The following POU6F2 variants were observed in gnomAD, a reference collection of about 807,000 sequenced individuals.
POU6F2 encodes the protein POU class 6 homeobox 2.
A neutral mutation model predicts 71.3 loss-of-function variants in POU6F2; 31 were observed. The ratio of observed to expected loss-of-function variants is 0.43; its 90% CI spans 0.33 to 0.59. The LOEUF is 0.59. POU6F2 is among the 20% of genes least tolerant of loss of function. The probability of loss-of-function intolerance (pLI) is 0.04; values close to 1 mark genes in which losing one functional copy is unlikely to be tolerated. For missense variants in POU6F2, 783 were observed against 856.8 expected (o/e 0.91, Z 1.07); for synonymous variants, 347 against 355.7 (o/e 0.98, Z 0.27).
At chr7:39,419,451 G>C (rs949050767) in intron 6 of POU6F2, among the ~76,000 whole-genome samples, 2 of 151,954 alleles carry the variant, frequency 1.3e-5, no homozygotes, top group African/African-American at 4.8e-5. Context: ...TGTTGTCTAG[G>C]CTGGTCCCAA....
Position 39,087,158 on chromosome 7 carries a change from TA to T in POU6F2, c.277+1129del, listed in dbSNP as rs57486915. ...ACACAGGCTTTATTAATTAATTAAT[TA>T]ATTTATTTATTTATTTATTTATTTA... On this transcript the variant is annotated intron_variant, in intron 2 of 9. Coordinates refer to ENST00000518318, the MANE Select transcript of POU6F2 (RefSeq NM_001370959.1). Among the ~76,000 whole-genome samples, 4 of 100,092 alleles carry T rather than the reference TA, an allele frequency of 4.0e-5. No homozygotes were observed. The South Asian group carries it at 7.8e-4, about 20-fold the overall frequency. The allele number at this position is 100,092 out of a possible 152,430, so 65.7% of individuals were successfully genotyped here.
intron 1 of POU6F2, among the ~76,000 whole-genome samples, chr7:38,978,592 G>A (rs1788237754): frequency 6.6e-6 from 1 of 152,192 alleles, no homozygotes; most frequent in Non-Finnish European, 1.5e-5. Flanking sequence ...AAATGTAGTA[G>A]TAGTCTTGGC....
chr7:39,180,467 A>C (rs73365585), intron 2 of POU6F2, among the ~76,000 whole-genome samples: 116 of 152,280 alleles, frequency 7.6e-4, no homozygotes, highest in African/African-American at 2.7e-3. Context: ...AGCACAGAAG[A>C]AGCCTCCCAA....
intron 4 of POU6F2, among the ~76,000 whole-genome samples, chr7:39,261,577 G>A (rs557838129): frequency 1.2e-4 from 19 of 152,270 alleles, no homozygotes; most frequent in African/African-American, 4.3e-4. Context: ...TTTTACAGAT[G>A]AGAAAACAGG....
chr7:39,368,166 A>G (rs573611592), intron 5 of POU6F2, among the ~76,000 whole-genome samples: 1 of 152,254 alleles, frequency 6.6e-6, no homozygotes, highest in Non-Finnish European at 1.5e-5. Context: ...GGCATTCAAA[A>G]ATCAAGAAAG....
At chr7:39,291,042 GT>G (rs1784747697) in intron 4 of POU6F2, among the ~76,000 whole-genome samples, 1 of 144,512 alleles carries the variant, frequency 6.9e-6, no homozygotes, top group African/African-American at 2.5e-5. Context: ...AAAAGCACAA[GT>G]TTACAGAACA....
At chr7:38,987,634 C>T (rs1788494766) in intron 1 of POU6F2, among the ~76,000 whole-genome samples, 2 of 152,090 alleles carry the variant, frequency 1.3e-5, no homozygotes, top group African/African-American at 4.8e-5. Flanking sequence ...TGAGACTTAG[C>T]TCTTGAATTC....
intron 2 of POU6F2, among the ~76,000 whole-genome samples, 177 bp from the exon 3 acceptor site, chr7:39,204,058 T>C (rs1266172210): frequency 6.6e-6 from 1 of 152,192 alleles, no homozygotes; most frequent in East Asian, 1.9e-4. Context: ...CTTCTACCTC[T>C]TGATGAACTT....
chr7:39,098,116 G>T (rs62442208), intron 2 of POU6F2, among the ~76,000 whole-genome samples: 16,901 of 152,076 alleles, frequency 0.11, 1,029 homozygotes, highest in Middle Eastern at 0.15. Context: ...GGATGAATTA[G>T]ATTATTTCTT....
chr7:39,148,436 GT>G lies in POU6F2; in HGVS notation c.278-55798del, dbSNP rs556171506. Reference sequence around the variant, plus strand: ...TTATCTCTGGCATAACCATGTGCTTGTCCCAGCATCTATTCCTTGGGTTGAC... The same window carrying G: ...TTATCTCTGGCATAACCATGTGCTTGCCCAGCATCTATTCCTTGGGTTGAC... On this transcript the variant is annotated intron_variant, in intron 2 of 9. Transcript: ENST00000518318. 5.3e-5 allele frequency among the ~76,000 whole-genome samples: 8 copies of G among 152,284 alleles called. No homozygotes were observed. In the East Asian group the frequency reaches 1.5e-3, roughly 29 times the overall value.
intron 8 of POU6F2, among the ~76,000 whole-genome samples, chr7:39,459,823 T>C (rs1017947170): frequency 6.6e-6 from 1 of 152,168 alleles, no homozygotes; most frequent in African/African-American, 2.4e-5. Context: ...AGCTGTTGTG[T>C]CATTTCCCTT....
intron 2 of POU6F2, among the ~76,000 whole-genome samples, chr7:39,114,175 G>T (rs778780406): frequency 2.0e-5 from 3 of 152,146 alleles, no homozygotes; most frequent in Non-Finnish European, 4.4e-5. Context: ...TACAAAGGAA[G>T]ATAATGAGTG....
chr7:39,394,243 C>T (rs1319047191), intron 5 of POU6F2, among the ~76,000 whole-genome samples: 1 of 152,140 alleles, frequency 6.6e-6, no homozygotes, highest in Non-Finnish European at 1.5e-5. Context: ...AGAGAACATT[C>T]TGTATTTTTA....
At chr7:39,000,561 AC>A (rs1788876853) in intron 1 of POU6F2, among the ~76,000 whole-genome samples, 2 of 100,964 alleles carry the variant, frequency 2.0e-5, no homozygotes, top group Non-Finnish European at 5.0e-5. Flanking sequence ...ACACACACAC[AC>A]ACACCCTCCC....
chr7:39,169,569 C>T (rs573757821), intron 2 of POU6F2, among the ~76,000 whole-genome samples: 1 of 152,250 alleles, frequency 6.6e-6, no homozygotes, highest in Admixed American at 6.5e-5. Context: ...AATGTAATTT[C>T]TGCATTCTTT....
rs757703122 is a variant in POU6F2 at position 38,998,816 on chromosome 7, ATT to A, written c.105+20780_105+20781del. Among the ~76,000 whole-genome samples the A allele has an allele frequency of 3.7e-4, 43 of 116,548 alleles. 1 individual carries two copies. The highest frequency in any genetic ancestry group is 6.2e-4 in the African/African-American group (19 of 30,584). The allele number at this position is 116,548 out of a possible 152,430, so 76.5% of individuals were successfully genotyped here. ...AGGCGCCTGCCACCACACCCGGCTA[ATT>A]TTTTTTTTTTTTTTTTTTTTTATTT... is the stretch of plus-strand genomic sequence containing the variant. On this transcript the variant is annotated intron_variant, in intron 1 of 9. Coordinates refer to ENST00000518318, the MANE Select transcript of POU6F2 (RefSeq NM_001370959.1).
At chr7:39,421,875 ATT>A (rs1481849071) in intron 6 of POU6F2, among the ~76,000 whole-genome samples, 2 of 152,186 alleles carry the variant, frequency 1.3e-5, no homozygotes, top group Admixed American at 1.3e-4. Context: ...CTTTAATCTG[ATT>A]TAGTCACTTA....
chr7:39,339,873 C>G lies in POU6F2; in HGVS notation c.830C>G (p.Pro277Arg). The G allele has an allele frequency of 6.2e-7, 1 of 1,613,012 alleles. No homozygotes were observed. Among genetic ancestry groups the G allele is most frequent in the South Asian group, 1.1e-5 (1 of 90,950 alleles). Residue 277 changes from proline (P) to arginine (R), a missense_variant, in exon 5 of 10, where the codon CCC (proline) becomes CGC (arginine). Physicochemically the swap from Pro to Arg is moderately radical, Grantham distance 103 (BLOSUM62 -2). Around this residue, in one of 2 missense-constraint regions of POU6F2, gnomAD observed 572 missense variants for 572.9 expected, o/e 1.00. Coordinates refer to ENST00000518318, the MANE Select transcript of POU6F2 (RefSeq NM_001370959.1). The part of the protein sequence containing the change: ...PTSQLQQAPQ[P>R]QQHQPHSHSQ... The stretch of plus-strand genomic sequence containing the variant: ...TCTCAGCTGCAACAGGCGCCTCAGC[C>G]CCAGCAGCACCAACCCCACTCCCAC...
chr7:39,202,200 G>A (rs1793918901), intron 2 of POU6F2, among the ~76,000 whole-genome samples: 1 of 152,172 alleles, frequency 6.6e-6, no homozygotes, highest in Admixed American at 6.5e-5. Context: ...CAATCTTGTT[G>A]ACACAGTGCC....
Sources: gnomAD v4.1 joint callset for allele counts (sites outside exome capture counted in the v4.1 genomes callset) on GRCh38, gnomAD v4.1.1 for gene constraint, gnomAD v4.1.1 regional missense constraint, MANE v1.5 for transcripts, NCBI Gene and HGNC (gene_info 2026-07-23, HGNC 2026-07-21) for gene names.